The following RAB6A variants were observed in gnomAD, a reference collection of about 807,000 sequenced individuals.
RAB6A encodes the protein RAB6A, member RAS oncogene family.
RAB6A carries 8 observed loss-of-function variants against 32.3 expected under a neutral mutation model. The ratio of observed to expected loss-of-function variants is 0.25; its 90% CI spans 0.15 to 0.45. The LOEUF is 0.45. RAB6A is among the 20% of genes least tolerant of loss of function. The pLI is 1.00. For synonymous variants in RAB6A, 73 were observed against 82.1 expected (o/e 0.89, Z 0.60); for missense variants, 104 against 249.4 (o/e 0.42, Z 3.93).
At chr11:73,735,906 T>C (rs1162837033) in intron 1 of RAB6A, among the ~76,000 whole-genome samples, 1 of 84,470 alleles carries the variant, frequency 1.2e-5, no homozygotes, top group Non-Finnish European at 2.2e-5. Flanking sequence ...GTTTCTGGAA[T>C]CCCAACCTTG....
At chr11:73,727,934 T>C (rs1488231957) in intron 2 of RAB6A, among the ~76,000 whole-genome samples, 1 of 152,196 alleles carries the variant, frequency 6.6e-6, no homozygotes, top group Non-Finnish European at 1.5e-5. Flanking sequence ...CTACAATACA[T>C]ATAAAATGGA....
chr11:73,718,208 G>A (rs890457324), intron 4 of RAB6A, among the ~76,000 whole-genome samples: 1 of 152,214 alleles, frequency 6.6e-6, no homozygotes, highest in African/African-American at 2.4e-5. Context: ...CTGGCTAGCA[G>A]AAGCTTGTAA....
At chr11:73,715,928 C>T (rs963808699) in intron 5 of RAB6A, among the ~76,000 whole-genome samples, 7 of 152,082 alleles carry the variant, frequency 4.6e-5, no homozygotes, top group African/African-American at 1.7e-4. Flanking sequence ...TAAGGTTTTT[C>T]CAAAATGGCT....
intron 6 of RAB6A, among the ~76,000 whole-genome samples, chr11:73,705,767 T>TGAGAGAGAGAGAGAGAGAGAGAGAGA (rs3046616): frequency 1.5e-5 from 2 of 134,838 alleles, no homozygotes; most frequent in African/African-American, 2.8e-5. Context: ...ATAATTCCGA[T>TGAGAGAGAGAGAGAGAGAGAGAGAGA]GAGAGAGAGA....
At position 73,718,716 on chromosome 11, in the gene RAB6A, T is replaced by A; in HGVS notation, c.186A>T (p.Val62=). Reference sequence around the variant, plus strand: ...CTGCTGTGTCCCATAATTGCAATCGTACCTAACAACAAAATCAGTCAAACA... The same window carrying A: ...CTGCTGTGTCCCATAATTGCAATCGAACCTAACAACAAAATCAGTCAAACA... ...SKTMYLEDRT[V]RLQLWDTAGQ... The change falls in exon 4 of 8, where the codon GTA becomes GTT. Residue 62 remains valine (V), a splice_region_variant and synonymous_variant. Transcript: ENST00000336083. 2 of 1,614,018 alleles carry A rather than the reference T, an allele frequency of 1.2e-6. No homozygotes were observed. Among genetic ancestry groups the A allele is most frequent in the South Asian group, 2.2e-5 (2 of 91,084 alleles).
At chr11:73,721,339 T>C (rs777152234) in intron 2 of RAB6A, among the ~76,000 whole-genome samples, 4 of 152,176 alleles carry the variant, frequency 2.6e-5, no homozygotes, top group African/African-American at 4.8e-5. Flanking sequence ...CCTAATGCCA[T>C]AGACAGCCAG....
chr11:73,737,781 T>A (rs1946422400), intron 1 of RAB6A, among the ~76,000 whole-genome samples: 1 of 151,550 alleles, frequency 6.6e-6, no homozygotes, highest in African/African-American at 2.4e-5. Context: ...GATCATGAGG[T>A]CAGGAGTTCA....
At chr11:73,716,100 A>G (rs2134941323) in intron 5 of RAB6A, 151 bp downstream of exon 5, 1 of 537,836 alleles carries the variant, frequency 1.9e-6, no homozygotes, top group Non-Finnish European at 3.2e-6. Context: ...ATTTACATTT[A>G]TATTTGAGGT....
intron 5 of RAB6A, among the ~76,000 whole-genome samples, chr11:73,709,936 T>TAC (rs199652404): frequency 0.041 from 4,126 of 100,498 alleles, 81 homozygotes; most frequent in African/African-American, 0.061. Flanking sequence ...TATATATACA[T>TAC]ACACACACAC....
chr11:73,714,859 A>G (rs888364459), intron 5 of RAB6A, among the ~76,000 whole-genome samples: 4 of 151,264 alleles, frequency 2.6e-5, no homozygotes, highest in African/African-American at 9.7e-5. Context: ...CCAGCTACTC[A>G]GGAGGCTGAG....
intron 1 of RAB6A, among the ~76,000 whole-genome samples, chr11:73,757,127 ATATTTTTTTTTTTTTT>A (rs1946771615): frequency 2.6e-5 from 1 of 38,802 alleles, no homozygotes; most frequent in African/African-American, 1.3e-4. Flanking sequence ...ATATATATAT[ATATTTTTTTTTTTTTT>A]TTTTTTTTTT....
At chr11:73,695,424 G>A (rs1038791534) in intron 6 of RAB6A, among the ~76,000 whole-genome samples, 2 of 151,082 alleles carry the variant, frequency 1.3e-5, no homozygotes, top group Non-Finnish European at 2.9e-5. Flanking sequence ...CTGTCACCCA[G>A]GCTGGAATAC....
At chr11:73,725,276 A>G (rs986567700) in intron 2 of RAB6A, among the ~76,000 whole-genome samples, 18 of 152,236 alleles carry the variant, frequency 1.2e-4, no homozygotes, top group African/African-American at 3.9e-4. Flanking sequence ...TTACTCCAAA[A>G]AGTGCTTGGT....
intron 5 of RAB6A, among the ~76,000 whole-genome samples, chr11:73,713,026 CTATTAT>C (rs2134934271): frequency 6.6e-6 from 1 of 152,208 alleles, no homozygotes; most frequent in South Asian, 2.1e-4. Context: ...TTTTCTTTTA[CTATTAT>C]TAATATAAAT....
At chr11:73,685,598 A>C (rs1945438310) in intron 6 of RAB6A, among the ~76,000 whole-genome samples, 2 of 2,484 alleles carry the variant, frequency 8.1e-4, no homozygotes, top group East Asian at 0.056. Context: ...GAAAGTAGCG[A>C]CCAGGTGCGG....
At chr11:73,691,605 G>A (rs1945565145) in intron 6 of RAB6A, among the ~76,000 whole-genome samples, 1 of 152,200 alleles carries the variant, frequency 6.6e-6, no homozygotes, top group Non-Finnish European at 1.5e-5. Flanking sequence ...TATCTGACAT[G>A]CAGTAGATAT....
At chr11:73,737,912 C>G (rs1946425108) in intron 1 of RAB6A, among the ~76,000 whole-genome samples, 1 of 143,396 alleles carries the variant, frequency 7.0e-6, no homozygotes, top group South Asian at 2.4e-4. Flanking sequence ...CAAAGAATTG[C>G]TTGAACCCGG....
chr11:73,694,534 G>T (rs2366944), intron 6 of RAB6A, among the ~76,000 whole-genome samples: 137,666 of 152,194 alleles, frequency 0.9, 62,554 homozygotes, highest in East Asian at 1. Flanking sequence ...TAAAATACTA[G>T]TACACATAAA....
intron 2 of RAB6A, chr11:73,722,292 T>A (rs1320275235): frequency 1.1e-5 from 1 of 94,804 alleles, no homozygotes; most frequent in Admixed American, 1.2e-4. Flanking sequence ...AATTCAAATA[T>A]ATATGTGTGT....
Sources: gnomAD v4.1 joint callset for allele counts (sites outside exome capture counted in the v4.1 genomes callset) on GRCh38, gnomAD v4.1.1 for gene constraint, MANE v1.5 for transcripts, NCBI Gene and HGNC (gene_info 2026-07-23, HGNC 2026-07-21) for gene names.